Variants in EXT1 observed in about 807,000 individuals in gnomAD.
EXT1 encodes exostosin glycosyltransferase 1.
In EXT1, 20 loss-of-function variants were observed where a neutral mutation model predicts 82.5. The observed-to-expected ratio is 0.24, with a 90% CI of 0.17 to 0.35. The LOEUF (loss-of-function observed/expected upper bound fraction) is 0.35. EXT1 is among the 10% of genes least tolerant of loss of function. The probability of loss-of-function intolerance (pLI) is 1.00; values close to 1 mark genes in which losing one functional copy is unlikely to be tolerated. For missense variants in EXT1, 757 were observed against 936.5 expected, an observed-to-expected ratio of 0.81 and a Z score of 2.50; for synonymous variants, 348 against 350.8, an observed-to-expected ratio of 0.99 and a Z score of 0.09.
At chr8:117,969,602 A>G (rs186610569) in intron 1 of EXT1, among the ~76,000 whole-genome samples, 1 of 152,326 alleles carries the variant, frequency 6.6e-6, no homozygotes, top group Admixed American at 6.5e-5. Flanking sequence ...AAAATCCGTG[A>G]AAATCCTGCA....
At chr8:117,820,332 T>A (rs1460137617) in intron 5 of EXT1, among the ~76,000 whole-genome samples, 1 of 152,186 alleles carries the variant, frequency 6.6e-6, no homozygotes, top group Non-Finnish European at 1.5e-5. Context: ...TAACCCTCTG[T>A]GTTTCCACAG....
chr8:117,997,292 TA>T (rs1306104930), intron 1 of EXT1, among the ~76,000 whole-genome samples: 15 of 143,070 alleles, frequency 1.0e-4, no homozygotes, highest in African/African-American at 3.9e-4. Flanking sequence ...ACTTTATATA[TA>T]ATATACTTTA....
At chr8:118,038,309 G>T (rs1816463305) in intron 1 of EXT1, among the ~76,000 whole-genome samples, 1 of 152,160 alleles carries the variant, frequency 6.6e-6, no homozygotes, top group South Asian at 2.1e-4. Flanking sequence ...AACACTGGAG[G>T]TAAATTGGCT....
chr8:118,024,801 G>A (rs923092618), intron 1 of EXT1, among the ~76,000 whole-genome samples: 3 of 152,148 alleles, frequency 2.0e-5, no homozygotes, highest in African/African-American at 7.2e-5. Context: ...GAGAGTTGGA[G>A]GGAAATCAGA....
intron 1 of EXT1, among the ~76,000 whole-genome samples, chr8:118,086,003 C>G (rs768807624): frequency 5.3e-5 from 8 of 152,178 alleles, no homozygotes; most frequent in Non-Finnish European, 1.0e-4. Context: ...TCAGAATATA[C>G]AGCTCATCTG....
chr8:117,822,105 T>A (rs1395354480), intron 5 of EXT1, among the ~76,000 whole-genome samples: 1 of 151,826 alleles, frequency 6.6e-6, no homozygotes, highest in African/African-American at 2.4e-5. Context: ...ATATTGGGAT[T>A]GTGAAAAAAA....
intron 1 of EXT1, among the ~76,000 whole-genome samples, chr8:117,843,843 C>A (rs1330027342): frequency 6.6e-6 from 1 of 152,170 alleles, no homozygotes; most frequent in Non-Finnish European, 1.5e-5. Flanking sequence ...ATTTCTCATT[C>A]TAAATCCCAT....
chr8:118,024,681 A>T (rs866099063), intron 1 of EXT1, among the ~76,000 whole-genome samples: 2 of 152,218 alleles, frequency 1.3e-5, no homozygotes, highest in South Asian at 2.1e-4. Flanking sequence ...AATGTAACAG[A>T]GTGACAGCTA....
chr8:117,868,838 A>G (rs17450709), intron 1 of EXT1, among the ~76,000 whole-genome samples: 48,477 of 151,940 alleles, frequency 0.32, 8,278 homozygotes, highest in East Asian at 0.42. Context: ...AAAATATGTC[A>G]CGGAACAAAT....
chr8:117,831,254 A>G (rs1291803052), intron 3 of EXT1, among the ~76,000 whole-genome samples: 1 of 152,030 alleles, frequency 6.6e-6, no homozygotes, highest in African/African-American at 2.4e-5. Flanking sequence ...TTTCTCAAAG[A>G]CTCCACTTCT....
Position 118,006,669 on chromosome 8 carries a change from T to C in EXT1, c.962+103416A>G, listed in dbSNP as rs937701959. ...CAGTGAACAACTGAGGCTGATTCCA[T>C]CTAAACTGTCTGAATCTCATTTTTA... is the stretch of plus-strand genomic sequence containing the variant. On this transcript the variant is annotated intron_variant, in intron 1 of 10. Transcript: ENST00000378204. Among the ~76,000 whole-genome samples, 37 of 152,206 alleles carry C rather than the reference T, an allele frequency of 2.4e-4. 1 individual carries two copies. Among genetic ancestry groups the C allele is most frequent in the Admixed American group, 1.3e-4 (2 of 15,286 alleles).
chr8:117,852,691 A>T (rs1232625791), intron 1 of EXT1, among the ~76,000 whole-genome samples: 1 of 152,176 alleles, frequency 6.6e-6, no homozygotes, highest in East Asian at 1.9e-4. Context: ...AATTGGGAAG[A>T]GACATAAAAC....
intron 1 of EXT1, among the ~76,000 whole-genome samples, chr8:117,991,618 G>A (rs1014417467): frequency 6.6e-6 from 1 of 152,102 alleles, no homozygotes; most frequent in African/African-American, 2.4e-5. Context: ...CTGGAGCGCA[G>A]TGGCATGATC....
chr8:117,889,933 T>C (rs1271061636), intron 1 of EXT1, among the ~76,000 whole-genome samples: 1 of 152,190 alleles, frequency 6.6e-6, no homozygotes, highest in Non-Finnish European at 1.5e-5. Flanking sequence ...GCACACAATG[T>C]ACAGTTTTTA....
intron 1 of EXT1, among the ~76,000 whole-genome samples, chr8:117,984,326 G>A (rs1486163374): frequency 6.6e-6 from 1 of 152,070 alleles, no homozygotes; most frequent in African/African-American, 2.4e-5. Context: ...GGCTGAGGCA[G>A]GAGAATCGCT....
At chr8:117,968,601 A>C in intron 1 of EXT1, among the ~76,000 whole-genome samples, 1 of 50,620 alleles carries the variant, frequency 2.0e-5, no homozygotes, top group East Asian at 4.0e-4. Flanking sequence ...ACGGAGTCTC[A>C]CTCTGTCACC....
At chr8:117,925,966 G>A (rs960839637) in intron 1 of EXT1, among the ~76,000 whole-genome samples, 4 of 152,062 alleles carry the variant, frequency 2.6e-5, no homozygotes, top group African/African-American at 7.2e-5. Flanking sequence ...TAGCCGTTTC[G>A]CATGTTATCT....
intron 1 of EXT1, among the ~76,000 whole-genome samples, chr8:117,860,340 G>C (rs1411162950): frequency 6.6e-6 from 1 of 151,994 alleles, no homozygotes; most frequent in Non-Finnish European, 1.5e-5. Context: ...ACACATACTG[G>C]AGACTCCTCA....
chr8:117,945,996 G>T lies in EXT1; in HGVS notation c.963-108795C>A, dbSNP rs183617280. Among the ~76,000 whole-genome samples, 21 of 152,242 alleles carry T rather than the reference G, an allele frequency of 1.4e-4. 1 individual carries two copies. In the East Asian group the frequency reaches 3.9e-3, roughly 28 times the overall value. On this transcript the variant is annotated intron_variant, in intron 1 of 10. Transcript: ENST00000378204. ...CAGCTCACTGCAACCTTCACCTCCTGGATTCAAGTGATTCTCCTGCCTCAG... is the reference window on the plus strand; with the variant it reads ...CAGCTCACTGCAACCTTCACCTCCTTGATTCAAGTGATTCTCCTGCCTCAG...
Sources: allele counts gnomAD v4.1 joint callset (sites outside exome capture counted in the v4.1 genomes callset), GRCh38; gene constraint gnomAD v4.1.1; transcripts MANE v1.5; gene names NCBI Gene and HGNC (gene_info 2026-07-23, HGNC 2026-07-21).